PSTPIP2: variants seen among roughly 807,000 people sequenced by gnomAD.
PSTPIP2 encodes the protein proline-serine-threonine phosphatase interacting protein 2.
PSTPIP2 carries 33 observed loss-of-function variants against 63.3 expected under a neutral mutation model. The observed-to-expected ratio is 0.52, with a 90% confidence interval of 0.40 to 0.70. PSTPIP2 has a LOEUF of 0.70. Ranked by LOEUF, PSTPIP2 falls within the 30% of genes least tolerant of loss-of-function variation. The pLI, the probability that PSTPIP2 is intolerant of heterozygous loss-of-function variation, is 0.00. For synonymous variants in PSTPIP2, 125 were observed against 132.7 expected, an observed-to-expected ratio of 0.94 and a Z score of 0.40; for missense variants, 312 against 400.7, an observed-to-expected ratio of 0.78 and a Z score of 1.89.
At position 46,061,907 on chromosome 18, in the gene PSTPIP2, A is replaced by G. The variant is rs545314012; in HGVS notation, c.33+10249T>C. On this transcript the variant is annotated intron_variant, in intron 1 of 14. Transcript: ENST00000409746. Reference sequence around the variant, plus strand: ...AAGCAGTGAAGGGACTTAGATGCCCATATTTCTAGGGTTTTCGAATATTTG... The same window carrying G: ...AAGCAGTGAAGGGACTTAGATGCCCGTATTTCTAGGGTTTTCGAATATTTG... Among the ~76,000 whole-genome samples, 5 of 152,308 alleles carry G rather than the reference A, an allele frequency of 3.3e-5. No homozygotes were observed. The South Asian group carries it at 1.0e-3, about 32-fold the overall frequency.
intron 1 of PSTPIP2, among the ~76,000 whole-genome samples, chr18:46,056,363 C>T (rs1158644767): frequency 6.6e-6 from 1 of 152,236 alleles, no homozygotes; most frequent in African/African-American, 2.4e-5. Context: ...TCCTCCAGGG[C>T]CCCTACTAGG....
intron 2 of PSTPIP2, chr18:46,029,223 A>G (rs1029739313): frequency 8.3e-6 from 9 of 1,087,494 alleles, no homozygotes; most frequent in South Asian, 2.5e-5. Context: ...AGAGGTTTGA[A>G]AGAAGATAGT....
intron 1 of PSTPIP2, among the ~76,000 whole-genome samples, chr18:46,067,548 A>G (rs900315028): frequency 1.6e-4 from 25 of 151,988 alleles, no homozygotes; most frequent in Non-Finnish European, 2.6e-4. Flanking sequence ...CTCCATAAAT[A>G]GCAAGCCACA....
At chr18:45,985,802 A>G (rs1001778325) in intron 14 of PSTPIP2, among the ~76,000 whole-genome samples, 2 of 150,186 alleles carry the variant, frequency 1.3e-5, no homozygotes, top group African/African-American at 2.5e-5. Context: ...TTTGAGACAG[A>G]GTCTTGCTGT....
chr18:46,005,487 T>C lies in PSTPIP2; in HGVS notation c.399A>G (p.Gln133=). Residue 133 remains glutamine (Q), a synonymous_variant, in exon 6 of 15, where the codon CAA becomes CAG. Coordinates refer to ENST00000409746, the MANE Select transcript of PSTPIP2 (RefSeq NM_024430.4). ...GACTCACATCCATGGTTTTCTTGAA[T>C]TGTAAGCTCTTTTGTTTATGGATAG... ...MDAIHKQKSL[Q]FKKTMDAKKN... The C allele has an allele frequency of 1.2e-6, 2 of 1,601,824 alleles. No individual in the cohort carries two copies. Among genetic ancestry groups the C allele is most frequent in the Non-Finnish European group, 1.7e-6 (2 of 1,169,870 alleles).
intron 1 of PSTPIP2, among the ~76,000 whole-genome samples, chr18:46,044,485 T>C (rs1398468088): frequency 6.6e-6 from 1 of 152,170 alleles, no homozygotes; most frequent in Non-Finnish European, 1.5e-5. Context: ...ATCCCTTCCT[T>C]ACACCTTATA....
At chr18:46,067,057 GATT>G (rs1909216202) in intron 1 of PSTPIP2, among the ~76,000 whole-genome samples, 3 of 149,404 alleles carry the variant, frequency 2.0e-5, no homozygotes, top group Non-Finnish European at 4.4e-5. Context: ...GGTTTTTGAC[GATT>G]ATTTTAAAGC....
chr18:46,049,153 C>A lies in PSTPIP2; in HGVS notation c.34-9106G>T, dbSNP rs999179100. Among the ~76,000 whole-genome samples the A allele has an allele frequency of 1.6e-4, 25 of 151,876 alleles. No homozygotes were observed. The South Asian group carries it at 2.5e-3, about 15-fold the overall frequency. On this transcript the variant is annotated intron_variant, in intron 1 of 14. Transcript: ENST00000409746. ...TTCTACTATATTTACAAGAGTAAAT[C>A]TAAATTTCTTTAATTAAAAACATCA...
chr18:46,071,400 A>G (rs1450306134), intron 1 of PSTPIP2, among the ~76,000 whole-genome samples: 1 of 152,200 alleles, frequency 6.6e-6, no homozygotes, highest in Non-Finnish European at 1.5e-5. Context: ...GACAGAGGGA[A>G]GAGGACTAGA....
intron 4 of PSTPIP2, among the ~76,000 whole-genome samples, chr18:46,012,737 C>A (rs1179544860): frequency 6.6e-6 from 1 of 152,152 alleles, no homozygotes; most frequent in Non-Finnish European, 1.5e-5. Flanking sequence ...TGTGCCACTG[C>A]ACTTCAGCCT....
At chr18:46,011,106 G>T in intron 5 of PSTPIP2, 75 bp downstream of exon 5, 2 of 1,193,496 alleles carry the variant, frequency 1.7e-6, no homozygotes, top group Non-Finnish European at 2.5e-6. Context: ...CTGAGCTGAG[G>T]AGTATAATGA....
rs752577917 is a variant in PSTPIP2 at position 45,992,194 on chromosome 18, T to C, written c.750A>G (p.Glu250=). ...QQCVTSDEMY[E]QVRKSLEMCS... is the part of the protein sequence containing the mutation. ...ACATTTCTAAACTCTTTCGGACTTG[T>C]TCGTACATCTAATAAAAAAAGGTCA... The change falls in exon 11 of 15, where the codon GAA becomes GAG. Residue 250 remains glutamate, a synonymous_variant. Transcript: ENST00000409746. 1.3e-6 allele frequency: 2 copies of C among 1,582,704 alleles called. No individual in the cohort carries two copies. Among genetic ancestry groups the C allele is most frequent in the East Asian group, 2.3e-5 (1 of 43,842 alleles).
chr18:46,060,817 T>C (rs983580641), intron 1 of PSTPIP2, among the ~76,000 whole-genome samples: 9 of 152,216 alleles, frequency 5.9e-5, no homozygotes, highest in African/African-American at 2.2e-4. Context: ...CCTTTGGCCT[T>C]GGGCTTTTCT....
Position 45,993,137 on chromosome 18 carries a change from G to A in PSTPIP2, c.741+468C>T, listed in dbSNP as rs770977061. Among the ~76,000 whole-genome samples, 61 of 152,082 alleles carry A rather than the reference G, an allele frequency of 4.0e-4. 1 individual carries two copies. The highest frequency in any genetic ancestry group is 4.3e-4 in the Non-Finnish European group (29 of 67,998). On this transcript the variant is annotated intron_variant, in intron 10 of 14. Transcript: ENST00000409746. ...TGAGATGGAGTCTCACTGTGTCGCC[G>A]AGGCTGGAGTGCAGTGGCACGATCT...
At chr18:46,026,345 C>T (rs917777453) in intron 2 of PSTPIP2, among the ~76,000 whole-genome samples, 16 of 152,284 alleles carry the variant, frequency 1.1e-4, no homozygotes, top group Admixed American at 2.0e-4. Flanking sequence ...TCATTTTATA[C>T]GCTTATTGTT....
At chr18:46,030,663 G>A (rs1195994581) in intron 2 of PSTPIP2, among the ~76,000 whole-genome samples, 2 of 152,142 alleles carry the variant, frequency 1.3e-5, no homozygotes, top group African/African-American at 2.4e-5. Context: ...TTTCTTGCTT[G>A]ACTAAATTTT....
chr18:46,062,651 A>C (rs1909033048), intron 1 of PSTPIP2, among the ~76,000 whole-genome samples: 1 of 151,862 alleles, frequency 6.6e-6, no homozygotes, highest in African/African-American at 2.4e-5. Context: ...AGTAGCTGGG[A>C]CTACAGGCAC....
At chr18:45,997,438 T>C (rs1445417655) in intron 9 of PSTPIP2, among the ~76,000 whole-genome samples, 1 of 152,098 alleles carries the variant, frequency 6.6e-6, no homozygotes, top group Non-Finnish European at 1.5e-5. Context: ...TCCACCCACC[T>C]CGGCCTCCCA....
At chr18:46,046,416 A>G (rs1378246662) in intron 1 of PSTPIP2, among the ~76,000 whole-genome samples, 1 of 152,178 alleles carries the variant, frequency 6.6e-6, no homozygotes. Context: ...CTCTATAGAC[A>G]TGGGCTCCAG....
Sources: gnomAD v4.1 joint callset for allele counts (sites outside exome capture counted in the v4.1 genomes callset) on GRCh38, gnomAD v4.1.1 for gene constraint, MANE v1.5 for transcripts, NCBI Gene and HGNC (gene_info 2026-07-23, HGNC 2026-07-21) for gene names.